Variants in CAMSAP1 observed in about 807,000 individuals in gnomAD.
CAMSAP1 encodes the protein calmodulin-regulated spectrin-associated protein 1.
A neutral mutation model predicts 143.5 loss-of-function variants in CAMSAP1; 58 were observed. The observed-to-expected ratio is 0.40, with a 90% confidence interval of 0.33 to 0.50. CAMSAP1 has a LOEUF of 0.50. CAMSAP1 is among the 20% of genes least tolerant of loss of function. The pLI is 0.45. For synonymous variants in CAMSAP1, 945 were observed against 859.3 expected, an observed-to-expected ratio of 1.10 and a Z score of -1.74; for missense variants, 1,969 against 2,115.7, an observed-to-expected ratio of 0.93 and a Z score of 1.36.
chr9:135,865,122 T>C, intron 4 of CAMSAP1: 2 of 565,136 alleles, frequency 3.5e-6, no homozygotes, highest in East Asian at 3.0e-5. Flanking sequence ...CTGGGCGAAA[T>C]GTAACTTAAG....
intron 5 of CAMSAP1, among the ~76,000 whole-genome samples, chr9:135,856,774 C>A (rs1386136317): frequency 6.6e-6 from 1 of 152,226 alleles, no homozygotes; most frequent in African/African-American, 2.4e-5. Context: ...CTTCATTTCT[C>A]CTGGATTTAA....
At chr9:135,827,692 A>C in intron 7 of CAMSAP1, 108 bp from the exon 8 acceptor site, 2 of 1,078,030 alleles carry the variant, frequency 1.9e-6, no homozygotes, top group Non-Finnish European at 2.5e-6. Context: ...TTGAAACCAA[A>C]CTTCTGCCAA....
In CAMSAP1 at chr9:135,827,465, G is replaced by A; in HGVS notation, c.1165C>T (p.Gln389Ter). 6.2e-7 allele frequency: 1 copy of A among 1,608,268 alleles called. No homozygotes were observed. The highest frequency in any genetic ancestry group is 8.5e-7 in the Non-Finnish European group (1 of 1,175,454). The stretch of plus-strand genomic sequence containing the variant: ...CTGTGACAGCCTTCCGCCGGCAGCT[G>A]CACGGGGGGCTGCAGCTCAGCCAGG... ...GTLAELQPPV[Q>*]LPAEGCHRHY... The change falls in exon 8 of 17, where the codon CAG (glutamine) becomes TAG (stop). Residue 389 changes from glutamine (Q) to a stop codon, truncating the protein, a stop_gained. Transcript: ENST00000389532. LOFTEE classifies it high-confidence loss of function.
intron 1 of CAMSAP1, among the ~76,000 whole-genome samples, chr9:135,893,311 G>A (rs1470831853): frequency 1.4e-5 from 2 of 140,806 alleles, no homozygotes; most frequent in African/African-American, 5.3e-5. Flanking sequence ...CAGGAAGAAA[G>A]AAAAGAAAAG....
In CAMSAP1 at chr9:135,824,683, A is replaced by C. The variant is rs1009049796; in HGVS notation, c.1315+106T>G. 7 of 908,500 alleles carry C rather than the reference A, an allele frequency of 7.7e-6. No homozygotes were observed. In the East Asian group the frequency reaches 2.0e-4, roughly 26 times the overall value. The allele number at this position is 908,500 out of a possible 1,614,324, so 56.3% of individuals were successfully genotyped here. On this transcript the variant is annotated intron_variant, in intron 9 of 16. Coordinates refer to ENST00000389532, the MANE Select transcript of CAMSAP1 (RefSeq NM_015447.4). This position sits in a 1 kb window ranked among gnomAD's most constrained non-coding sequence, Gnocchi z 4.1. ...CATCTCAAAAAACAAACAAACAAACAAAAAAATCACTACATCAGATAAAAT... is the reference window on the plus strand; with the variant it reads ...CATCTCAAAAAACAAACAAACAAACCAAAAAATCACTACATCAGATAAAAT...
At chr9:135,878,804 G>A (rs373685434) in intron 3 of CAMSAP1, among the ~76,000 whole-genome samples, 10 of 152,240 alleles carry the variant, frequency 6.6e-5, no homozygotes, top group East Asian at 1.9e-4. Context: ...GTGAGGACTC[G>A]CACCCGGGAG....
chr9:135,854,821 G>T (rs73559442), intron 5 of CAMSAP1, among the ~76,000 whole-genome samples: 2 of 152,062 alleles, frequency 1.3e-5, no homozygotes, highest in African/African-American at 4.8e-5. Context: ...TGTTACATAG[G>T]TAACCTCATG....
chr9:135,861,301 CCTT>C (rs1243042626), intron 5 of CAMSAP1, among the ~76,000 whole-genome samples: 2 of 150,228 alleles, frequency 1.3e-5, no homozygotes, highest in East Asian at 4.0e-4. Context: ...GAGGCTCTCT[CCTT>C]CTTCCTTTTT....
intron 3 of CAMSAP1, among the ~76,000 whole-genome samples, chr9:135,879,367 C>T (rs1286350002): frequency 1.3e-5 from 2 of 151,960 alleles, no homozygotes; most frequent in African/African-American, 2.4e-5. Context: ...AAATGAGAAA[C>T]GTGACCAAGC....
intron 7 of CAMSAP1, among the ~76,000 whole-genome samples, chr9:135,846,721 G>A (rs1202554006): frequency 6.7e-6 from 1 of 148,278 alleles, no homozygotes; most frequent in African/African-American, 2.5e-5. Flanking sequence ...GTGGGCAAAG[G>A]ATTTGAATGG....
chr9:135,830,380 A>G (rs1304643034), intron 7 of CAMSAP1, among the ~76,000 whole-genome samples: 1 of 152,246 alleles, frequency 6.6e-6, no homozygotes, highest in African/African-American at 2.4e-5. Flanking sequence ...TATTCCACGC[A>G]TGCAAATGGT....
At position 135,882,825 on chromosome 9, in the gene CAMSAP1, G is replaced by C; in HGVS notation, c.414C>G (p.Pro138=). 1 of 1,549,988 alleles carries C rather than the reference G, an allele frequency of 6.5e-7. No individual in the cohort carries two copies. Among genetic ancestry groups the C allele is most frequent in the Non-Finnish European group, 8.7e-7 (1 of 1,146,432 alleles). Residue 138 remains proline, a synonymous_variant, in exon 2 of 17, where the codon CCC becomes CCG. Transcript: ENST00000389532. This position sits in a 1 kb window ranked among gnomAD's most constrained non-coding sequence, Gnocchi z 4.9. ...ACCGCAGACCACTCACCATTTTTATGGGTGCGCGACTGAGGTCGGACTCTG... is the reference window on the plus strand; with the variant it reads ...ACCGCAGACCACTCACCATTTTTATCGGTGCGCGACTGAGGTCGGACTCTG... ...PVTESDLSRA[P]IKMSAHMAMV... is the part of the protein sequence containing the mutation.
At chr9:135,857,760 G>A (rs997000738) in intron 5 of CAMSAP1, among the ~76,000 whole-genome samples, 1 of 152,178 alleles carries the variant, frequency 6.6e-6, no homozygotes, top group African/African-American at 2.4e-5. Flanking sequence ...TGTGGGGCAG[G>A]TCTGCATTAT....
rs764491278 is a variant in CAMSAP1 at position 135,821,283 on chromosome 9, A to T, written c.3378T>A (p.Ser1126Arg). The T allele has an allele frequency of 1.2e-6, 2 of 1,610,944 alleles. No individual in the cohort carries two copies. The highest frequency in any genetic ancestry group is 2.7e-5 in the African/African-American group (2 of 74,924). The change falls in exon 11 of 17, where the codon AGT (serine) becomes AGA (arginine). Residue 1126 changes from serine to arginine, a missense_variant. Physicochemically the swap from Ser to Arg is moderately radical, Grantham distance 110. Coordinates refer to ENST00000389532, the MANE Select transcript of CAMSAP1 (RefSeq NM_015447.4). This position sits in a 1 kb window ranked among gnomAD's most constrained non-coding sequence, Gnocchi z 4.6. ...GSSRSKTPTP[S>R]VETLPHLRPF... The stretch of plus-strand genomic sequence containing the variant: ...GTCTCAAGTGCGGGAGCGTCTCTAC[A>T]CTGGGCGTTGGGGTTTTACTTCGGG...
At chr9:135,872,913 C>T (rs866406826) in intron 3 of CAMSAP1, among the ~76,000 whole-genome samples, 3 of 152,168 alleles carry the variant, frequency 2.0e-5, no homozygotes, top group Admixed American at 1.3e-4. Context: ...GACCTTCCAC[C>T]CTCCTCTCAG....
intron 5 of CAMSAP1, among the ~76,000 whole-genome samples, chr9:135,862,210 C>G (rs1168593644): frequency 2.6e-5 from 4 of 151,512 alleles, no homozygotes; most frequent in African/African-American, 7.3e-5. Flanking sequence ...CCTTAGCCTC[C>G]CGAGTGGCTG....
At position 135,838,103 on chromosome 9, in the gene CAMSAP1, C is replaced by T. The variant is rs1836169956; in HGVS notation, c.1046-10519G>A. On this transcript the variant is annotated intron_variant, in intron 7 of 16. Coordinates refer to ENST00000389532, the MANE Select transcript of CAMSAP1 (RefSeq NM_015447.4). Reference sequence around the variant, plus strand: ...GACACACGTCATCACGCACTTCCCACCCATTCTACAGACACGTCATCACAC... The same window carrying T: ...GACACACGTCATCACGCACTTCCCATCCATTCTACAGACACGTCATCACAC... 2.7e-5 allele frequency among the ~76,000 whole-genome samples: 4 copies of T among 148,062 alleles called. No homozygotes were observed. The South Asian group carries it at 6.6e-4, about 24-fold the overall frequency.
At chr9:135,905,394 C>CT (rs1838747570) in intron 1 of CAMSAP1, among the ~76,000 whole-genome samples, 1 of 152,192 alleles carries the variant, frequency 6.6e-6, no homozygotes, top group Non-Finnish European at 1.5e-5. Context: ...AGCAATTTGT[C>CT]TAACATCCGC....
intron 7 of CAMSAP1, among the ~76,000 whole-genome samples, chr9:135,839,158 C>T (rs1836246407): frequency 6.6e-6 from 1 of 152,198 alleles, no homozygotes; most frequent in South Asian, 2.1e-4. Context: ...TCTGTCTTTC[C>T]TGAGGAAACT....
Sources: allele counts gnomAD v4.1 joint callset (sites outside exome capture counted in the v4.1 genomes callset), GRCh38; gene constraint gnomAD v4.1.1; non-coding constraint Gnocchi (gnomAD v3.1); transcripts MANE v1.5; gene names NCBI Gene and HGNC (gene_info 2026-07-23, HGNC 2026-07-21).